ATAD3B: variants seen among roughly 807,000 people sequenced by gnomAD.
ATAD3B encodes ATPase family AAA domain containing 3B, also known as ATPase family AAA domain-containing protein 3B.
A neutral mutation model predicts 70.2 loss-of-function variants in ATAD3B; 59 were observed. The observed-to-expected ratio is 0.84, with a 90% CI of 0.68 to 1.04. The LOEUF is 1.04. Among genes scored for constraint, ATAD3B ranks in the 50% least tolerant of loss-of-function variants. ATAD3B has a pLI of 0.00. For missense variants in ATAD3B, 961 were observed against 913.4 expected, an observed-to-expected ratio of 1.05 and a Z score of -0.67; for synonymous variants, 423 against 388.6, an observed-to-expected ratio of 1.09 and a Z score of -1.04.
At chr1:1,487,334 A>G (rs1371322805) in intron 11 of ATAD3B, among the ~76,000 whole-genome samples, 2 of 151,744 alleles carry the variant, frequency 1.3e-5, no homozygotes, top group African/African-American at 4.8e-5. Context: ...TAAAAATACA[A>G]AAAATTAGCC....
In ATAD3B at chr1:1,480,862, C is replaced by T. The variant is rs751805317; in HGVS notation, c.445-5C>T. 31 of 1,593,462 alleles carry T rather than the reference C, an allele frequency of 1.9e-5. 1 individual carries two copies. The highest frequency in any genetic ancestry group is 5.3e-5 in the Admixed American group (3 of 56,418). On this transcript the variant is annotated splice_polypyrimidine_tract_variant and splice_region_variant and intron_variant, in intron 4 of 15. Transcript: ENST00000673477. ...CTTTTCTCTTTTTCTGCGGCTTCTT[C>T]TCAGCAACTTCTCAATGAGGAGAAT...
At chr1:1,487,814 C>T (rs1225837028) in intron 11 of ATAD3B, 49 bp from the exon 12 acceptor site, 1 of 1,605,308 alleles carries the variant, frequency 6.2e-7, no homozygotes, top group South Asian at 1.1e-5. Context: ...CTGCTGTGGG[C>T]TGCTCCTGGC....
chr1:1,485,604 CT>C (rs1024796589), intron 8 of ATAD3B, among the ~76,000 whole-genome samples, 177 bp from the exon 9 acceptor site: 10 of 152,088 alleles, frequency 6.6e-5, no homozygotes, highest in African/African-American at 2.4e-4. Context: ...GAAAATGCCC[CT>C]AATCCCAGCA....
chr1:1,495,229 C>T (rs543841974), intron 15 of ATAD3B, among the ~76,000 whole-genome samples: 1 of 152,148 alleles, frequency 6.6e-6, no homozygotes, highest in Admixed American at 6.6e-5. Context: ...TGGTGCTCCG[C>T]CTTGGGTTTT....
In ATAD3B at chr1:1,497,667, C is replaced by A. The variant is rs542756708; in HGVS notation, c.*1850C>A. 1 of 150,924 alleles carries A rather than the reference C, an allele frequency of 6.6e-6. No homozygotes were observed. Among genetic ancestry groups the A allele is most frequent in the South Asian group, 2.1e-4 (1 of 4,796 alleles). 9.3% of individuals were successfully genotyped at this position (150,924 alleles called of 1,614,324 possible). ...GAATCATGAGGTCAGGAGTTTGAGA[C>A]CATCCTGGCTAACGTGGCAAAACCC... On this transcript the variant is annotated 3_prime_UTR_variant, in exon 16 of 16. Coordinates refer to ENST00000673477, the MANE Select transcript of ATAD3B (RefSeq NM_031921.6).
chr1:1,485,673 G>C, intron 8 of ATAD3B, 109 bp from the exon 9 acceptor site: 1 of 1,524,754 alleles, frequency 6.6e-7, no homozygotes, highest in Non-Finnish European at 8.9e-7. Context: ...TCCTGGCTGT[G>C]CTTTGGGGCA....
In ATAD3B at chr1:1,479,385, TGCACACATGGGCACACACACACCC is replaced by T. The variant is rs1264530759; in HGVS notation, c.444+278_444+301del. Among the ~76,000 whole-genome samples the T allele has an allele frequency of 1.1e-4, 16 of 139,730 alleles. 1 individual carries two copies. Among genetic ancestry groups the T allele is most frequent in the African/African-American group, 4.4e-4 (16 of 36,558 alleles). 91.7% of individuals were successfully genotyped at this position (139,730 alleles called of 152,430 possible). On this transcript the variant is annotated intron_variant, in intron 4 of 15. Transcript: ENST00000673477. Reference sequence around the variant, plus strand: ...CCCGGCAGACAGGCACACACACCCCTGCACACATGGGCACACACACACCCCTGCACACACGGGCCCACACACTCC... The same window carrying T: ...CCCGGCAGACAGGCACACACACCCCTCTGCACACACGGGCCCACACACTCC...
chr1:1,479,044 C>G lies in ATAD3B; in HGVS notation c.385-5C>G. On this transcript the variant is annotated splice_region_variant and splice_polypyrimidine_tract_variant and intron_variant, in intron 3 of 15. Transcript: ENST00000673477. Reference sequence around the variant, plus strand: ...ATGTGTCTTTGCCGCCCTCTTCTCCCCCAGAGGGCCCAGTATCAAGACAAG... The same window carrying G: ...ATGTGTCTTTGCCGCCCTCTTCTCCGCCAGAGGGCCCAGTATCAAGACAAG... 1 of 1,214,112 alleles carries G rather than the reference C, an allele frequency of 8.2e-7. No homozygotes were observed. Among genetic ancestry groups the G allele is most frequent in the Admixed American group, 2.3e-5 (1 of 44,404 alleles). 75.2% of individuals were successfully genotyped at this position (1,214,112 alleles called of 1,614,324 possible).
downstream of ATAD3B, among the ~76,000 whole-genome samples, chr1:1,499,128 C>T (rs528749486): frequency 8.4e-3 from 1,281 of 151,964 alleles, 13 homozygotes; most frequent in Non-Finnish European, 0.012. Context: ...CCCGCCACCA[C>T]GCCCAGCTAA....
the ATAD3B span, among the ~76,000 whole-genome samples, chr1:1,508,284 C>G: frequency 1.1e-3 from 162 of 151,558 alleles, 12 homozygotes; most frequent in African/African-American, 3.8e-3. Context: ...CACACAGTGG[C>G]TCTTGGCGAG....
At chr1:1,489,909 A>G in intron 13 of ATAD3B, 1 of 1,225,012 alleles carries the variant, frequency 8.2e-7, no homozygotes, top group Non-Finnish European at 1.0e-6. Context: ...TAATCTTGAC[A>G]GGGACTCTGG....
chr1:1,491,665 C>G (rs1640546307), intron 15 of ATAD3B, among the ~76,000 whole-genome samples: 1 of 151,966 alleles, frequency 6.6e-6, no homozygotes, highest in South Asian at 2.1e-4. Flanking sequence ...CCTGGTCACT[C>G]GATCTAGCAG....
rs1317378381 is a variant in ATAD3B at position 1,471,927 on chromosome 1, G to A, written c.43G>A (p.Gly15Ser). The part of the protein sequence containing the change: ...FGVNKGPKGE[G>S]AGPPPPLPPA... The stretch of plus-strand genomic sequence containing the variant: ...CGTTAACAAGGGCCCCAAGGGTGAA[G>A]GCGCGGGGCCGCCGCCGCCTTTGCC... The change falls in exon 1 of 16, where the codon GGC (glycine) becomes AGC (serine). Residue 15 changes from glycine to serine, a missense_variant. By Grantham distance (56) the Gly-to-Ser change is moderately conservative. Coordinates refer to ENST00000673477, the MANE Select transcript of ATAD3B (RefSeq NM_031921.6). 15 of 1,251,226 alleles carry A rather than the reference G, an allele frequency of 1.2e-5. No homozygotes were observed. Among genetic ancestry groups the A allele is most frequent in the Middle Eastern group, 6.2e-4 (2 of 3,222 alleles). 77.5% of individuals were successfully genotyped at this position (1,251,226 alleles called of 1,614,324 possible). A position where few individuals can be genotyped will look rare whatever the true frequency, so the allele number is the denominator to read the frequency against.
Position 1,485,851 on chromosome 1 carries a change from G to A in ATAD3B, c.963+13G>A, listed in dbSNP as rs759484829. 1 of 1,612,846 alleles carries A rather than the reference G, an allele frequency of 6.2e-7. No homozygotes were observed. The highest frequency in any genetic ancestry group is 8.5e-7 in the Non-Finnish European group (1 of 1,179,554). ...TGTTGTGCTTAGTGTAAGTCGGTGTGCCTGGGACCGGGGAGGTGCAGGGAG... is the reference window on the plus strand; with the variant it reads ...TGTTGTGCTTAGTGTAAGTCGGTGTACCTGGGACCGGGGAGGTGCAGGGAG... On this transcript the variant is annotated intron_variant, in intron 9 of 15. Coordinates refer to ENST00000673477, the MANE Select transcript of ATAD3B (RefSeq NM_031921.6).
intron 7 of ATAD3B, chr1:1,482,955 T>A: frequency 2.1e-6 from 1 of 486,280 alleles, no homozygotes; most frequent in Non-Finnish European, 4.0e-6. Context: ...GAGCCAACAT[T>A]GCACCACTGC....
rs769650231 is a variant in ATAD3B at position 1,482,345 on chromosome 1, C to T, written c.680+42C>T. The stretch of plus-strand genomic sequence containing the variant: ...CCCGGGCCGGCCACAGATGGAGCCC[C>T]GCAGGTGTGAGTCGCTGGTCCCAGG... On this transcript the variant is annotated intron_variant, in intron 6 of 15. Transcript: ENST00000673477. The T allele has an allele frequency of 1.1e-4, 167 of 1,550,730 alleles. 2 individuals carry two copies. Among genetic ancestry groups the T allele is most frequent in the African/African-American group, 4.5e-4 (32 of 71,578 alleles).
the ATAD3B span, chr1:1,509,275 T>G: frequency 6.2e-7 from 1 of 1,612,940 alleles, no homozygotes; most frequent in South Asian, 1.1e-5. Context: ...CAAGATGCTG[T>G]CCAGCAGCAC....
intron 1 of ATAD3B, among the ~76,000 whole-genome samples, chr1:1,472,310 C>G (rs1201249613): frequency 6.6e-5 from 10 of 151,972 alleles, no homozygotes; most frequent in Non-Finnish European, 1.0e-4. Context: ...GGGTCAGGTG[C>G]GAAAAGCGGT....
At chr1:1,494,265 G>C (rs963455832) in intron 15 of ATAD3B, among the ~76,000 whole-genome samples, 1 of 151,992 alleles carries the variant, frequency 6.6e-6, no homozygotes, top group Non-Finnish European at 1.5e-5. Context: ...TCCTGGAGGG[G>C]TGGCCCTGTG....
Sources: gnomAD v4.1 joint callset for allele counts (sites outside exome capture counted in the v4.1 genomes callset) on GRCh38, gnomAD v4.1.1 for gene constraint, MANE v1.5 for transcripts, NCBI Gene and HGNC (gene_info 2026-07-23, HGNC 2026-07-21) for gene names.